PLCG1: variants seen among roughly 807,000 people sequenced by gnomAD.
The protein encoded by PLCG1 is phospholipase C gamma 1, also known as 1-phosphatidylinositol 4,5-bisphosphate phosphodiesterase gamma-1.
Under a neutral mutation model 177.8 loss-of-function variants are expected in PLCG1, and 71 were observed. The observed-to-expected ratio is 0.40, with a 90% CI of 0.33 to 0.49. The LOEUF is 0.49. Among genes scored for constraint, PLCG1 ranks in the 20% least tolerant of loss-of-function variants. PLCG1 has a pLI of 0.72. For synonymous variants in PLCG1, 658 were observed against 647.9 expected, an observed-to-expected ratio of 1.02 and a Z score of -0.24; for missense variants, 1,281 against 1,709.0, an observed-to-expected ratio of 0.75 and a Z score of 4.42.
In PLCG1 at chr20:41,172,458, A is replaced by C. The variant is rs1399742891; in HGVS notation, c.2943A>C (p.Ser981=). Residue 981 remains serine (S), a synonymous_variant, in exon 26 of 32, where the codon TCA becomes TCC. Coordinates refer to ENST00000685551, the MANE Select transcript of PLCG1 (RefSeq NM_002660.3). This position sits in a 1 kb window ranked among gnomAD's most constrained non-coding sequence, Gnocchi z 7.0. ...AACGTGCTTGCTACCGGGACATGTC[A>C]TCCTTCCCGGAAACCAAGGCTGAGA... ...GTERACYRDM[S]SFPETKAEKY... The C allele has an allele frequency of 1.9e-6, 3 of 1,614,186 alleles. No homozygotes were observed.
In PLCG1 at chr20:41,137,556, GCCTCAGCCCCAA is replaced by G. The variant is rs1408586901; in HGVS notation, c.-77_-66del. On this transcript the variant is annotated 5_prime_UTR_variant, in exon 1 of 32. Coordinates refer to ENST00000685551, the MANE Select transcript of PLCG1 (RefSeq NM_002660.3). This position sits in a 1 kb window ranked among gnomAD's most constrained non-coding sequence, Gnocchi z 7.3. ...CGGGTCCCGCTCGTCTGCCGCCTCA[GCCTCAGCCCCAA>G]CCTCAGCCGCCGCCGTTGCGCTTGC... is the stretch of plus-strand genomic sequence containing the variant. The G allele has an allele frequency of 4.0e-6, 3 of 747,948 alleles. No individual in the cohort carries two copies. Among genetic ancestry groups the G allele is most frequent in the East Asian group, 3.8e-5 (1 of 26,082 alleles). 46.3% of individuals were successfully genotyped at this position (747,948 alleles called of 1,614,324 possible).
intron 1 of PLCG1, among the ~76,000 whole-genome samples, chr20:41,154,518 C>A (rs186231333): frequency 6.6e-6 from 1 of 152,262 alleles, no homozygotes; most frequent in Non-Finnish European, 1.5e-5. Context: ...GAATACTGCC[C>A]TTATGCACAT....
chr20:41,168,877 C>T lies in PLCG1; in HGVS notation c.2483+7C>T. Reference sequence around the variant, plus strand: ...AGAAGCAAGAGGGAGGCTGGTAAGCCAGTGGTGTGGTAGGCCCAGAGTCCA... The same window carrying T: ...AGAAGCAAGAGGGAGGCTGGTAAGCTAGTGGTGTGGTAGGCCCAGAGTCCA... On this transcript the variant is annotated splice_region_variant and intron_variant, in intron 21 of 31. Transcript: ENST00000685551. The T allele has an allele frequency of 6.3e-7, 1 of 1,589,648 alleles. No homozygotes were observed. The highest frequency in any genetic ancestry group is 8.6e-7 in the Non-Finnish European group (1 of 1,159,534).
Position 41,160,162 on chromosome 20 carries a change from T to C in PLCG1, c.512+9T>C, listed in dbSNP as rs760693452. The stretch of plus-strand genomic sequence containing the variant: ...CGGAATCGTGAGGATCGGTAAGTAC[T>C]GAGCTGTGGCTGTAGCCCAGCAGGG... On this transcript the variant is annotated intron_variant, in intron 4 of 31. Coordinates refer to ENST00000685551, the MANE Select transcript of PLCG1 (RefSeq NM_002660.3). The surrounding 1 kb of genome is among the most constrained non-coding windows in gnomAD (Gnocchi z 5.5). The C allele has an allele frequency of 2.4e-5, 38 of 1,613,344 alleles. No homozygotes were observed. Among genetic ancestry groups the C allele is most frequent in the Middle Eastern group, 3.3e-4 (2 of 6,076 alleles).
At position 41,172,656 on chromosome 20, in the gene PLCG1, C is replaced by A. The variant is rs2035939511; in HGVS notation, c.3130+11C>A. ...ACTTCCAGACCCCTGGTGAGGAAGT[C>A]CCCTGTGAGGAGGGTGAGGAGGGGC... is the stretch of plus-strand genomic sequence containing the variant. On this transcript the variant is annotated intron_variant, in intron 26 of 31. Transcript: ENST00000685551. The surrounding 1 kb of genome is among the most constrained non-coding windows in gnomAD (Gnocchi z 7.0). The A allele has an allele frequency of 2.5e-6, 4 of 1,613,194 alleles. No individual in the cohort carries two copies. The highest frequency in any genetic ancestry group is 4.5e-5 in the East Asian group (2 of 44,880).
Position 41,168,174 on chromosome 20 carries a change from CCT to C in PLCG1, c.2379+246_2379+247del, listed in dbSNP as rs35520429. ...CTTTAAACTGCTCCTGTGGGTGACC[CCT>C]GTTTCCTTCCTGGGCAGCAGCGGGG... is the stretch of plus-strand genomic sequence containing the variant. On this transcript the variant is annotated intron_variant, in intron 20 of 31. Transcript: ENST00000685551. 3.2e-3 allele frequency among the ~76,000 whole-genome samples: 488 copies of C among 152,298 alleles called. 2 individuals carry two copies. Among genetic ancestry groups the C allele is most frequent in the African/African-American group, 0.011 (441 of 41,556 alleles).
At chr20:41,140,508 C>T (rs2034787026) in intron 1 of PLCG1, among the ~76,000 whole-genome samples, 2 of 152,216 alleles carry the variant, frequency 1.3e-5, no homozygotes, top group Non-Finnish European at 2.9e-5. Context: ...ACTGTGCTAC[C>T]TTCAGGGTGT....
At chr20:41,170,337 C>A in intron 24 of PLCG1, 68 bp downstream of exon 24, 1 of 1,558,784 alleles carries the variant, frequency 6.4e-7, no homozygotes, top group South Asian at 1.1e-5. Context: ...GCCTCCAGCT[C>A]CCAGCACAGG....
chr20:41,163,616 G>T lies in PLCG1; in HGVS notation c.892-99G>T. 9.2e-7 allele frequency: 1 copy of T among 1,082,390 alleles called. No homozygotes were observed. Among genetic ancestry groups the T allele is most frequent in the Admixed American group, 1.7e-5 (1 of 58,724 alleles). 67.0% of individuals were successfully genotyped at this position (1,082,390 alleles called of 1,614,324 possible). On this transcript the variant is annotated intron_variant, in intron 9 of 31. Transcript: ENST00000685551. This position sits in a 1 kb window ranked among gnomAD's most constrained non-coding sequence, Gnocchi z 5.2. Reference sequence around the variant, plus strand: ...CTACTGTGCACCTTGCCCACCCCCAGTTGGGACAGAGCACTCTCTCTCCTA... The same window carrying T: ...CTACTGTGCACCTTGCCCACCCCCATTTGGGACAGAGCACTCTCTCTCCTA...
chr20:41,159,545 C>G lies in PLCG1; in HGVS notation c.218-61C>G. ...AAGAATGAGGAAACCAGGCTGCCCTCCTTTCGGTGTTGACTCTGGGAGACC... is the reference window on the plus strand; with the variant it reads ...AAGAATGAGGAAACCAGGCTGCCCTGCTTTCGGTGTTGACTCTGGGAGACC... On this transcript the variant is annotated intron_variant, in intron 1 of 31. Coordinates refer to ENST00000685551, the MANE Select transcript of PLCG1 (RefSeq NM_002660.3). The surrounding 1 kb of genome is among the most constrained non-coding windows in gnomAD (Gnocchi z 6.0). The G allele has an allele frequency of 6.4e-7, 1 of 1,571,554 alleles. No individual in the cohort carries two copies. The highest frequency in any genetic ancestry group is 8.7e-7 in the Non-Finnish European group (1 of 1,151,706).
rs367714474 is a variant in PLCG1 at position 41,165,194 on chromosome 20, G to T, written c.1387-51G>T. 2.7e-5 allele frequency: 43 copies of T among 1,608,902 alleles called. No homozygotes were observed. In the African/African-American group the frequency reaches 5.2e-4, roughly 19 times the overall value. ...TGTTGGGCCTAAACCTGGGTGAGGAGGTGGGGTGAGGACTGGGGTCTGCAT... is the reference window on the plus strand; with the variant it reads ...TGTTGGGCCTAAACCTGGGTGAGGATGTGGGGTGAGGACTGGGGTCTGCAT... On this transcript the variant is annotated intron_variant, in intron 13 of 31. Transcript: ENST00000685551. This position sits in a 1 kb window ranked among gnomAD's most constrained non-coding sequence, Gnocchi z 6.6.
chr20:41,142,910 G>A (rs1215787361), intron 1 of PLCG1, among the ~76,000 whole-genome samples: 1 of 152,154 alleles, frequency 6.6e-6, no homozygotes, highest in Non-Finnish European at 1.5e-5. Context: ...AGGACCTGGT[G>A]GGGAGGAGTT....
At position 41,160,093 on chromosome 20, in the gene PLCG1, C is replaced by G; in HGVS notation, c.465-13C>G. 6.2e-7 allele frequency: 1 copy of G among 1,614,056 alleles called. No individual in the cohort carries two copies. The highest frequency in any genetic ancestry group is 8.5e-7 in the Non-Finnish European group (1 of 1,179,892). ...ATGGAGAAGTGGCCCTCACCTCAGG[C>G]TTCTCTCTCCAGGTGGCTCCGGAAG... On this transcript the variant is annotated splice_polypyrimidine_tract_variant and intron_variant, in intron 3 of 31. Transcript: ENST00000685551. The surrounding 1 kb of genome is among the most constrained non-coding windows in gnomAD (Gnocchi z 5.5).
chr20:41,176,849 C>T lies in PLCG1; in HGVS notation c.*2340C>T, dbSNP rs779024220. The stretch of plus-strand genomic sequence containing the variant: ...GAAGACCCTTACTTGGGGCCGAATG[C>T]TTTGGCATCAGGAGTTGTTTGCCCC... On this transcript the variant is annotated 3_prime_UTR_variant, in exon 32 of 32. Coordinates refer to ENST00000685551, the MANE Select transcript of PLCG1 (RefSeq NM_002660.3). 7 of 152,256 alleles carry T rather than the reference C, an allele frequency of 4.6e-5. No individual in the cohort carries two copies. Among genetic ancestry groups the T allele is most frequent in the Admixed American group, 3.9e-4 (6 of 15,284 alleles). 9.4% of individuals were successfully genotyped at this position (152,256 alleles called of 1,614,324 possible).
Position 41,173,576 on chromosome 20 carries a change from C to T in PLCG1, c.3394+42C>T. 1 of 1,613,982 alleles carries T rather than the reference C, an allele frequency of 6.2e-7. No individual in the cohort carries two copies. Among genetic ancestry groups the T allele is most frequent in the Non-Finnish European group, 8.5e-7 (1 of 1,179,974 alleles). On this transcript the variant is annotated intron_variant, in intron 28 of 31. Transcript: ENST00000685551. The surrounding 1 kb of genome is among the most constrained non-coding windows in gnomAD (Gnocchi z 6.2). ...AGTCATCCTCCTCATCCTGCTGGGG[C>T]ACTGCAAGCCTCTCCCCACCAGTCA...
At position 41,137,631 on chromosome 20, in the gene PLCG1, G is replaced by A. The variant is rs2034640614; in HGVS notation, c.-11G>A. On this transcript the variant is annotated 5_prime_UTR_variant, in exon 1 of 32. Coordinates refer to ENST00000685551, the MANE Select transcript of PLCG1 (RefSeq NM_002660.3). The surrounding 1 kb of genome is among the most constrained non-coding windows in gnomAD (Gnocchi z 7.3). ...CTGGCCTGTGCCGCCGCCGCCCCCA[G>A]CGTCGGAGCCATGGCGGGCGCCGCG... is the stretch of plus-strand genomic sequence containing the variant. 3.8e-6 allele frequency: 5 copies of A among 1,317,944 alleles called. No homozygotes were observed. Among genetic ancestry groups the A allele is most frequent in the Admixed American group, 8.3e-5 (2 of 24,186 alleles). The allele number at this position is 1,317,944 out of a possible 1,614,324, so 81.6% of individuals were successfully genotyped here.
chr20:41,169,397 A>C, intron 22 of PLCG1, 60 bp from the exon 23 acceptor site: 3 of 1,287,950 alleles, frequency 2.3e-6, no homozygotes, highest in Non-Finnish European at 3.4e-6. Context: ...GCACACGGAT[A>C]TCCCCTCACA....
chr20:41,174,625 C>G lies in PLCG1; in HGVS notation c.*116C>G. ...GCCTTCCGGGTCTCGCAGCCTGAAGCCTGGATTCCAGCAGTGAATGCTAGA... is the reference window on the plus strand; with the variant it reads ...GCCTTCCGGGTCTCGCAGCCTGAAGGCTGGATTCCAGCAGTGAATGCTAGA... On this transcript the variant is annotated 3_prime_UTR_variant, in exon 32 of 32. Transcript: ENST00000685551. This position sits in a 1 kb window ranked among gnomAD's most constrained non-coding sequence, Gnocchi z 5.8. The G allele has an allele frequency of 2.3e-6, 2 of 861,218 alleles. No homozygotes were observed. Among genetic ancestry groups the G allele is most frequent in the Non-Finnish European group, 3.8e-6 (2 of 525,284 alleles). The allele number at this position is 861,218 out of a possible 1,614,324, so 53.3% of individuals were successfully genotyped here.
intron 1 of PLCG1, among the ~76,000 whole-genome samples, chr20:41,141,456 A>G (rs1235118273): frequency 6.6e-6 from 1 of 152,276 alleles, no homozygotes; most frequent in Non-Finnish European, 1.5e-5. Flanking sequence ...TAGTGGAACC[A>G]GCTGGCTGGG....
Sources: gnomAD v4.1 joint callset for allele counts (sites outside exome capture counted in the v4.1 genomes callset) on GRCh38, gnomAD v4.1.1 for gene constraint, Gnocchi (gnomAD v3.1) non-coding constraint, MANE v1.5 for transcripts, NCBI Gene and HGNC (gene_info 2026-07-23, HGNC 2026-07-21) for gene names.